GATAD1: variants seen among roughly 807,000 people sequenced by gnomAD.
GATAD1 encodes the protein GATA zinc finger domain containing 1.
Under a neutral mutation model 26.5 loss-of-function variants are expected in GATAD1, and 12 were observed. That is an observed-to-expected ratio of 0.45 (90% CI 0.29 to 0.73). The LOEUF (loss-of-function observed/expected upper bound fraction) is 0.73. Among genes scored for constraint, GATAD1 ranks in the 30% least tolerant of loss-of-function variants. GATAD1 has a pLI of 0.10. For synonymous variants in GATAD1, 129 were observed against 133.1 expected (o/e 0.97, Z 0.21); for missense variants, 266 against 342.1 (o/e 0.78, Z 1.75).
chr7:92,493,076 A>T, the GATAD1 span: 3 of 1,613,018 alleles, frequency 1.9e-6, no homozygotes, highest in Non-Finnish European at 2.5e-6. Context: ...GGTCAACATC[A>T]TCTGCCAGAG....
downstream of GATAD1, among the ~76,000 whole-genome samples, chr7:92,463,619 C>T (rs151195493): frequency 4.0e-3 from 605 of 149,974 alleles, 2 homozygotes; most frequent in African/African-American, 0.014. Context: ...GCTGAGATCG[C>T]GCCACTGCAC....
At chr7:92,490,204 C>A in the GATAD1 span, 1 of 373,204 alleles carries the variant, frequency 2.7e-6, no homozygotes. Flanking sequence ...CAGGTTTCTT[C>A]ATTTTCAGAA....
chr7:92,447,926 C>G lies in GATAD1; in HGVS notation c.197C>G (p.Ala66Gly). 8.0e-7 allele frequency: 1 copy of G among 1,246,350 alleles called. No individual in the cohort carries two copies. The highest frequency in any genetic ancestry group is 1.0e-6 in the Non-Finnish European group (1 of 997,684). The allele number at this position is 1,246,350 out of a possible 1,614,324, so 77.2% of individuals were successfully genotyped here. A position where few individuals can be genotyped will look rare whatever the true frequency, so the allele number is the denominator to read the frequency against. ...GGCGGCTTCGGCGCGGCGACCTTCGCCAGCACCTCCGCCACCCCTCCGCAG... is the reference window on the plus strand; with the variant it reads ...GGCGGCTTCGGCGCGGCGACCTTCGGCAGCACCTCCGCCACCCCTCCGCAG... ...GGGGFGAATF[A>G]STSATPPQSN... The change falls in exon 1 of 5, where the codon GCC (alanine) becomes GGC (glycine). Residue 66 changes from alanine (A) to glycine (G), a missense_variant. Transcript: ENST00000287957.
the GATAD1 span, among the ~76,000 whole-genome samples, chr7:92,490,628 G>A: frequency 1.4e-5 from 1 of 72,366 alleles, no homozygotes; most frequent in Non-Finnish European, 2.5e-5. Context: ...GAGTGAGACT[G>A]TCTCAAAAAA....
the GATAD1 span, among the ~76,000 whole-genome samples, chr7:92,481,586 C>T: frequency 1.5e-4 from 23 of 152,248 alleles, no homozygotes; most frequent in South Asian, 4.4e-3. Flanking sequence ...TGTAAGAATT[C>T]CGACTGCACA....
At position 92,457,882 on chromosome 7, in the gene GATAD1, A is replaced by C. The variant is rs1299027783; in HGVS notation, c.*1320A>C. ...CCACGTGCGGTGGCTCATGCCTGTAATCCCGGCACTTTGGGAGGCCTGAGT... is the reference window on the plus strand; with the variant it reads ...CCACGTGCGGTGGCTCATGCCTGTACTCCCGGCACTTTGGGAGGCCTGAGT... On this transcript the variant is annotated 3_prime_UTR_variant, in exon 5 of 5. Transcript: ENST00000287957. 6.6e-6 allele frequency: 1 copy of C among 152,236 alleles called. No individual in the cohort carries two copies. Among genetic ancestry groups the C allele is most frequent in the Non-Finnish European group, 1.5e-5 (1 of 68,054 alleles). The allele number at this position is 152,236 out of a possible 1,614,324, so 9.4% of individuals were successfully genotyped here. A position where few individuals can be genotyped will look rare whatever the true frequency, so the allele number is the denominator to read the frequency against.
chr7:92,482,571 G>T, the GATAD1 span, among the ~76,000 whole-genome samples: 1 of 152,070 alleles, frequency 6.6e-6, no homozygotes, highest in Admixed American at 6.5e-5. Context: ...GTTTTAATGG[G>T]ATAGTAATGG....
intron 3 of GATAD1, among the ~76,000 whole-genome samples, chr7:92,451,299 A>G (rs910488530): frequency 1.3e-5 from 2 of 152,238 alleles, no homozygotes; most frequent in Non-Finnish European, 2.9e-5. Context: ...CAGGTTTCCC[A>G]GGGCCAAAGT....
chr7:92,475,834 C>G, the GATAD1 span, among the ~76,000 whole-genome samples: 6 of 152,156 alleles, frequency 3.9e-5, no homozygotes, highest in African/African-American at 1.2e-4. Flanking sequence ...TAAACAAGTT[C>G]TTATGCAAAT....
the GATAD1 span, among the ~76,000 whole-genome samples, chr7:92,476,645 GTCTC>G: frequency 2.0e-5 from 3 of 150,352 alleles, no homozygotes; most frequent in South Asian, 2.1e-4. Flanking sequence ...CTCTCTCACT[GTCTC>G]TCTCTCCTCT....
At chr7:92,456,281 G>T in intron 4 of GATAD1, 91 bp from the exon 5 acceptor site, 2 of 726,136 alleles carry the variant, frequency 2.8e-6, no homozygotes, top group East Asian at 2.7e-5. Flanking sequence ...TCCCAGAGTG[G>T]TCTCTCCCAG....
At chr7:92,448,102 C>T (rs1330201187) in intron 1 of GATAD1, 124 bp downstream of exon 1, 3 of 577,746 alleles carry the variant, frequency 5.2e-6, no homozygotes, top group African/African-American at 2.0e-5. Context: ...GGCTGGAACG[C>T]CCCTCCCCAC....
At chr7:92,481,058 G>T in the GATAD1 span, among the ~76,000 whole-genome samples, 1 of 152,142 alleles carries the variant, frequency 6.6e-6, no homozygotes, top group Non-Finnish European at 1.5e-5. Flanking sequence ...GGTAGTGGAG[G>T]GGGGCAGAGC....
the GATAD1 span, chr7:92,474,712 A>G: frequency 1.3e-5 from 2 of 152,248 alleles, no homozygotes; most frequent in African/African-American, 2.4e-5. Flanking sequence ...CAGTGACATT[A>G]TATCTCTCCA....
Position 92,447,762 on chromosome 7 carries a change from A to G in GATAD1, c.33A>G (p.Val11=). The G allele has an allele frequency of 6.7e-7, 1 of 1,499,206 alleles. No individual in the cohort carries two copies. The highest frequency in any genetic ancestry group is 8.9e-7 in the Non-Finnish European group (1 of 1,123,684). 92.9% of individuals were successfully genotyped at this position (1,499,206 alleles called of 1,614,324 possible). A position where few individuals can be genotyped will look rare whatever the true frequency, so the allele number is the denominator to read the frequency against. MPLGLKPTCS[V]CKTTSSSMWK... Reference sequence around the variant, plus strand: ...TGGGCCTGAAGCCCACCTGCAGCGTATGCAAGACCACGTCGTCCTCCATGT... The same window carrying G: ...TGGGCCTGAAGCCCACCTGCAGCGTGTGCAAGACCACGTCGTCCTCCATGT... The change falls in exon 1 of 5, where the codon GTA becomes GTG. Residue 11 remains valine (V), a synonymous_variant. Transcript: ENST00000287957.
chr7:92,448,921 G>A, intron 2 of GATAD1, 44 bp downstream of exon 2: 4 of 1,578,828 alleles, frequency 2.5e-6, no homozygotes, highest in Non-Finnish European at 2.6e-6. Flanking sequence ...ATGACGTTGT[G>A]TGTATCCTGC....
the GATAD1 span, among the ~76,000 whole-genome samples, chr7:92,465,485 G>A: frequency 6.6e-6 from 1 of 152,056 alleles, no homozygotes; most frequent in African/African-American, 2.4e-5. Flanking sequence ...GGCTGTGGTG[G>A]CCGCTGCCTG....
At chr7:92,486,788 G>A in the GATAD1 span, among the ~76,000 whole-genome samples, 9 of 152,004 alleles carry the variant, frequency 5.9e-5, no homozygotes, top group South Asian at 1.0e-3. Context: ...TATTAGATAC[G>A]CAGATTGTAT....
chr7:92,479,202 C>T, the GATAD1 span, among the ~76,000 whole-genome samples: 19 of 152,280 alleles, frequency 1.2e-4, 1 homozygote, highest in South Asian at 8.3e-4. Context: ...TTGTCACCCC[C>T]GTCCCTGTGA....
Sources: allele counts gnomAD v4.1 joint callset (sites outside exome capture counted in the v4.1 genomes callset), GRCh38; gene constraint gnomAD v4.1.1; transcripts MANE v1.5; gene names NCBI Gene and HGNC (gene_info 2026-07-23, HGNC 2026-07-21).